The following ZNF536 variants were observed in gnomAD, a reference collection of about 807,000 sequenced individuals.
The protein encoded by ZNF536 is zinc finger protein 536.
ZNF536 carries 13 observed loss-of-function variants against 84.5 expected under a neutral mutation model. The observed-to-expected ratio is 0.15, with a 90% CI of 0.10 to 0.24. ZNF536 has a LOEUF of 0.24. Among genes scored for constraint, ZNF536 ranks in the 10% least tolerant of loss-of-function variants. The pLI is 1.00. For synonymous variants in ZNF536, 811 were observed against 742.5 expected, an observed-to-expected ratio of 1.09 and a Z score of -1.50; for missense variants, 1,536 against 1,747.5, an observed-to-expected ratio of 0.88 and a Z score of 2.16.
chr19:30,396,154 C>T (rs150707002), intron 1 of ZNF536, among the ~76,000 whole-genome samples: 22 of 152,282 alleles, frequency 1.4e-4, no homozygotes, highest in African/African-American at 5.1e-4. Flanking sequence ...AAAATGACTT[C>T]TCACCAAATA....
chr19:30,280,904 G>A (rs960688512), intron 1 of ZNF536, among the ~76,000 whole-genome samples: 2 of 152,190 alleles, frequency 1.3e-5, no homozygotes, highest in Admixed American at 6.5e-5. Flanking sequence ...AGAGGGGCCC[G>A]TGCAGGGCTA....
At chr19:30,381,740 G>A (rs538995614) in intron 1 of ZNF536, among the ~76,000 whole-genome samples, 35 of 152,298 alleles carry the variant, frequency 2.3e-4, no homozygotes, top group African/African-American at 8.4e-4. Context: ...GATGGGGAAC[G>A]TTGTAAACAG....
intron 1 of ZNF536, among the ~76,000 whole-genome samples, chr19:30,419,937 C>T (rs1358170400): frequency 1.3e-5 from 2 of 152,176 alleles, no homozygotes; most frequent in African/African-American, 4.8e-5. Context: ...AGTTCCCATC[C>T]GGGTGCTGCT....
intron 1 of ZNF536, among the ~76,000 whole-genome samples, chr19:30,379,260 C>T (rs1268946549): frequency 6.6e-5 from 10 of 152,126 alleles, no homozygotes; most frequent in Non-Finnish European, 1.0e-4. Context: ...GTCCTGGCCA[C>T]TTCCTGAATG....
intron 3 of ZNF536, 29 bp downstream of exon 3, chr19:30,535,028 C>T (rs2145940500): frequency 6.3e-7 from 1 of 1,594,532 alleles, no homozygotes; most frequent in Non-Finnish European, 8.6e-7. Flanking sequence ...TCCAGGGGCA[C>T]AGCCCAGAGA....
intron 1 of ZNF536, among the ~76,000 whole-genome samples, chr19:30,644,561 C>A (rs1417215746): frequency 6.6e-6 from 1 of 152,132 alleles, no homozygotes; most frequent in Non-Finnish European, 1.5e-5. Context: ...GTTCCCCTTC[C>A]TGTGTCCATG....
At position 30,443,651 on chromosome 19, in the gene ZNF536, A is replaced by T. The variant is rs2052170865; in HGVS notation, c.89A>T (p.Tyr30Phe). Residue 30 changes from tyrosine to phenylalanine, a missense_variant, in exon 2 of 5, where the codon TAT becomes TTT. Transcript: ENST00000355537. Reference sequence around the variant, plus strand: ...AGTGGCCCCGTCCTCAACGGCCAGTATGCCATGAGTCAGAAGCTGCACCAG... The same window carrying T: ...AGTGGCCCCGTCCTCAACGGCCAGTTTGCCATGAGTCAGAAGCTGCACCAG... ...HLSGPVLNGQ[Y>F]AMSQKLHQIT... The T allele has an allele frequency of 6.2e-7, 1 of 1,613,534 alleles. No individual in the cohort carries two copies. The highest frequency in any genetic ancestry group is 8.5e-7 in the Non-Finnish European group (1 of 1,179,846).
intron 1 of ZNF536, among the ~76,000 whole-genome samples, chr19:30,271,971 C>T (rs550003732): frequency 1.3e-5 from 2 of 152,318 alleles, no homozygotes; most frequent in Admixed American, 6.5e-5. Context: ...GGATCTGTGT[C>T]GTTGAAAGCC....
chr19:30,374,176 G>A (rs951270951), intron 1 of ZNF536, among the ~76,000 whole-genome samples: 2 of 152,058 alleles, frequency 1.3e-5, no homozygotes, highest in African/African-American at 4.8e-5. Flanking sequence ...GCCCTGGAGT[G>A]TATAAAGAAA....
At chr19:30,285,907 A>G (rs954570871) in intron 2 of ZNF536, among the ~76,000 whole-genome samples, 1 of 152,228 alleles carries the variant, frequency 6.6e-6, no homozygotes, top group Non-Finnish European at 1.5e-5. Flanking sequence ...TTGTTGGTCT[A>G]ACCTATAGGA....
At chr19:30,232,333 T>C (rs1010674767) in intron 1 of ZNF536, among the ~76,000 whole-genome samples, 6 of 152,192 alleles carry the variant, frequency 3.9e-5, no homozygotes, top group Non-Finnish European at 7.3e-5. Flanking sequence ...AGGGTTGCTA[T>C]ATGGGTACAT....
intron 1 of ZNF536, among the ~76,000 whole-genome samples, chr19:30,690,422 A>T (rs1300818728): frequency 2.6e-5 from 4 of 152,234 alleles, no homozygotes; most frequent in Non-Finnish European, 4.4e-5. Context: ...AGGAAGCCTC[A>T]TTTAGTTCAC....
chr19:30,513,378 C>G (rs756880561), intron 2 of ZNF536, among the ~76,000 whole-genome samples: 1 of 152,046 alleles, frequency 6.6e-6, no homozygotes, highest in African/African-American at 2.4e-5. Context: ...GTGCAACGAC[C>G]CTGCAGGACA....
At chr19:30,404,305 G>T (rs1186640986) in intron 1 of ZNF536, among the ~76,000 whole-genome samples, 2 of 151,128 alleles carry the variant, frequency 1.3e-5, no homozygotes, top group Non-Finnish European at 3.0e-5. Flanking sequence ...TTCTGTATTT[G>T]GGGCAGGCCA....
intron 1 of ZNF536, among the ~76,000 whole-genome samples, chr19:30,671,118 G>T (rs962080177): frequency 6.6e-6 from 1 of 152,242 alleles, no homozygotes; most frequent in South Asian, 2.1e-4. Flanking sequence ...AAGGATGAAT[G>T]CATCATTATC....
chr19:30,691,852 G>C (rs959504496), intron 1 of ZNF536, among the ~76,000 whole-genome samples: 1 of 152,236 alleles, frequency 6.6e-6, no homozygotes, highest in Non-Finnish European at 1.5e-5. Flanking sequence ...GTGGACAAAT[G>C]AAAGGGATTC....
intron 1 of ZNF536, among the ~76,000 whole-genome samples, chr19:30,424,021 G>A (rs2051103292): frequency 6.6e-6 from 1 of 152,208 alleles, no homozygotes; most frequent in African/African-American, 2.4e-5. Context: ...GTGCTTTGCT[G>A]GGGGCCTGGG....
At chr19:30,260,365 C>T (rs1420218106) in intron 1 of ZNF536, among the ~76,000 whole-genome samples, 1 of 152,120 alleles carries the variant, frequency 6.6e-6, no homozygotes, top group East Asian at 1.9e-4. Flanking sequence ...TTTATGGAGT[C>T]ATTAGAGTTG....
intron 2 of ZNF536, among the ~76,000 whole-genome samples, chr19:30,491,873 C>A (rs1004863882): frequency 4.0e-5 from 6 of 151,572 alleles, no homozygotes; most frequent in East Asian, 3.9e-4. Context: ...ATATACAAGA[C>A]GTTACTCCTG....
Sources: allele counts gnomAD v4.1 joint callset (sites outside exome capture counted in the v4.1 genomes callset), GRCh38; gene constraint gnomAD v4.1.1; transcripts MANE v1.5; gene names NCBI Gene and HGNC (gene_info 2026-07-23, HGNC 2026-07-21).